The following POLN variants were observed in gnomAD, a reference collection of about 807,000 sequenced individuals.
POLN encodes DNA polymerase nu.
POLN carries 108 observed loss-of-function variants against 113.5 expected under a neutral mutation model. The observed-to-expected ratio is 0.95, with a 90% CI of 0.81 to 1.12. POLN has a LOEUF of 1.12. POLN is among the 50% of genes most tolerant of loss of function. The pLI is 0.00. For synonymous variants in POLN, 386 were observed against 391.5 expected, an observed-to-expected ratio of 0.99 and a Z score of 0.17; for missense variants, 1,097 against 1,077.1, an observed-to-expected ratio of 1.02 and a Z score of -0.26.
At chr4:2,241,836 A>G in intron 1 of POLN, 46 bp from the exon 2 acceptor site, 3 of 985,504 alleles carry the variant, frequency 3.0e-6, no homozygotes, top group Non-Finnish European at 3.6e-6. Context: ...GTCGACACCG[A>G]GCTGCAGAAG....
At chr4:2,159,057 G>T (rs1462417415) in intron 14 of POLN, 98 bp downstream of exon 14, 1 of 905,676 alleles carries the variant, frequency 1.1e-6, no homozygotes, top group Non-Finnish European at 1.8e-6. Context: ...ACACTGGGAG[G>T]GCTACTTCAG....
intron 19 of POLN, among the ~76,000 whole-genome samples, chr4:2,112,713 A>T (rs1040266817): frequency 6.6e-6 from 1 of 152,060 alleles, no homozygotes; most frequent in East Asian, 1.9e-4. Context: ...TTAGAATGGC[A>T]ATCATTAAAA....
intron 3 of POLN, among the ~76,000 whole-genome samples, chr4:2,219,891 T>G (rs545441054): frequency 6.6e-6 from 1 of 152,262 alleles, no homozygotes; most frequent in African/African-American, 2.4e-5. Flanking sequence ...GGTTGTCAAA[T>G]CCAGTGTCTC....
chr4:2,136,412 C>T (rs1038699842), intron 16 of POLN, among the ~76,000 whole-genome samples: 1 of 152,240 alleles, frequency 6.6e-6, no homozygotes, highest in African/African-American at 2.4e-5. Context: ...TTGCTCTGGG[C>T]AGCCCAAGTC....
chr4:2,222,089 A>T (rs1388447284), intron 3 of POLN, among the ~76,000 whole-genome samples: 1 of 152,076 alleles, frequency 6.6e-6, no homozygotes, highest in African/African-American at 2.4e-5. Flanking sequence ...CTAAATTGAG[A>T]CCTGCCTGTT....
At chr4:2,118,730 G>A (rs569122967) in intron 19 of POLN, among the ~76,000 whole-genome samples, 2 of 152,192 alleles carry the variant, frequency 1.3e-5, no homozygotes, top group African/African-American at 2.4e-5. Flanking sequence ...CAGATGCCAC[G>A]ATAGGCCAGG....
Position 2,093,297 on chromosome 4 carries a change from C to T in POLN, c.2065+2554G>A, listed in dbSNP as rs77616573. ...ACTGGGGACAAGGCCGGGGCTGCCA[C>T]AGGAGACCTACAGAAGCTGCTCAGT... On this transcript the variant is annotated intron_variant, in intron 20 of 25. Coordinates refer to ENST00000511885, the MANE Select transcript of POLN (RefSeq NM_181808.4). This position sits in a 1 kb window ranked among gnomAD's most constrained non-coding sequence, Gnocchi z 4.1. Among the ~76,000 whole-genome samples, 3 of 152,212 alleles carry T rather than the reference C, an allele frequency of 2.0e-5. No individual in the cohort carries two copies. Among genetic ancestry groups the T allele is most frequent in the Admixed American group, 6.5e-5 (1 of 15,286 alleles).
rs753286409 is a variant in POLN, at chr4:2,238,981, A to G, written c.-13+2539T>C. 5.7e-6 allele frequency: 9 copies of G among 1,583,552 alleles called. No homozygotes were observed. In the Admixed American group the frequency reaches 7.6e-5, roughly 13 times the overall value. ...CTTTTATTTGAGTGACCTCTTTTTC[A>G]AGTTTCATAATCTCACTGGTCAAGC... On this transcript the variant is annotated intron_variant, in intron 2 of 25. Transcript: ENST00000511885.
chr4:2,225,485 G>T (rs567846673), intron 3 of POLN, among the ~76,000 whole-genome samples: 36 of 151,058 alleles, frequency 2.4e-4, no homozygotes, highest in African/African-American at 6.8e-4. Context: ...AACCCAGGAG[G>T]GGGGGTTGCA....
At chr4:2,225,105 A>G (rs949750071) in intron 3 of POLN, among the ~76,000 whole-genome samples, 2 of 152,274 alleles carry the variant, frequency 1.3e-5, no homozygotes, top group African/African-American at 2.4e-5. Flanking sequence ...TATGCAACAC[A>G]TGACTCTCCA....
At chr4:2,170,629 G>A (rs1179148407) in intron 13 of POLN, 50 bp downstream of exon 13, 4 of 1,503,644 alleles carry the variant, frequency 2.7e-6, no homozygotes, top group East Asian at 4.5e-5. Context: ...CACATGTGGT[G>A]CAGACATGCT....
At chr4:2,145,434 T>C (rs540539966) in intron 16 of POLN, among the ~76,000 whole-genome samples, 3 of 152,156 alleles carry the variant, frequency 2.0e-5, no homozygotes, top group East Asian at 1.9e-4. Flanking sequence ...TCATAATACA[T>C]AAAGAACTTT....
At chr4:2,103,302 G>T (rs975663231) in intron 19 of POLN, among the ~76,000 whole-genome samples, 1 of 151,974 alleles carries the variant, frequency 6.6e-6, no homozygotes, top group African/African-American at 2.4e-5. Flanking sequence ...AAAATTCATT[G>T]AAAGGAATGT....
chr4:2,121,419 A>G (rs1452694638), intron 19 of POLN, among the ~76,000 whole-genome samples: 1 of 140,430 alleles, frequency 7.1e-6, no homozygotes, highest in African/African-American at 2.5e-5. Context: ...TGGGTGACAG[A>G]GCGAGACTCT....
chr4:2,225,007 C>A (rs1388307308), intron 3 of POLN, among the ~76,000 whole-genome samples: 2 of 152,018 alleles, frequency 1.3e-5, no homozygotes, highest in Non-Finnish European at 2.9e-5. Context: ...TATGATGTCA[C>A]TAGGAGACAG....
chr4:2,136,228 C>A (rs926598689), intron 16 of POLN, among the ~76,000 whole-genome samples: 2 of 152,222 alleles, frequency 1.3e-5, no homozygotes, highest in Non-Finnish European at 2.9e-5. Context: ...CCCCAAACTA[C>A]GGAGATGGAA....
At chr4:2,075,556 G>A (rs1369258553) in intron 23 of POLN, 37 bp from the exon 24 acceptor site, 2 of 1,607,392 alleles carry the variant, frequency 1.2e-6, no homozygotes, top group South Asian at 2.2e-5. Flanking sequence ...GGGAGGCCAG[G>A]ACTGTGGGGC....
intron 13 of POLN, among the ~76,000 whole-genome samples, chr4:2,165,587 T>C (rs910111104): frequency 1.3e-5 from 2 of 152,114 alleles, no homozygotes; most frequent in Non-Finnish European, 2.9e-5. Context: ...GTATATTGTG[T>C]AACTACGGAC....
rs566741687 is a variant in POLN, at chr4:2,079,773, C to T, written c.2387+1185G>A. On this transcript the variant is annotated intron_variant, in intron 23 of 25. Coordinates refer to ENST00000511885, the MANE Select transcript of POLN (RefSeq NM_181808.4). ...CTAATTTTTGTATTTTTAGTAGTGACGATGTTTTACCCTGTTGGCCAGGTT... is the reference window on the plus strand; with the variant it reads ...CTAATTTTTGTATTTTTAGTAGTGATGATGTTTTACCCTGTTGGCCAGGTT... 1.5e-5 allele frequency: 12 copies of T among 805,850 alleles called. No homozygotes were observed. The African/African-American group carries it at 1.7e-4, about 11-fold the overall frequency. The allele number at this position is 805,850 out of a possible 1,614,324, so 49.9% of individuals were successfully genotyped here. A position where few individuals can be genotyped will look rare whatever the true frequency, so the allele number is the denominator to read the frequency against.
Sources: allele counts gnomAD v4.1 joint callset (sites outside exome capture counted in the v4.1 genomes callset), GRCh38; gene constraint gnomAD v4.1.1; non-coding constraint Gnocchi (gnomAD v3.1); transcripts MANE v1.5; gene names NCBI Gene and HGNC (gene_info 2026-07-23, HGNC 2026-07-21).